Variants in ARID1B observed in about 807,000 individuals in gnomAD.
The protein encoded by ARID1B is AT-rich interaction domain 1B.
Under a neutral mutation model 212.3 loss-of-function variants are expected in ARID1B, and 30 were observed. The ratio of observed to expected loss-of-function variants is 0.14; its 90% CI spans 0.11 to 0.19. The LOEUF is 0.19. ARID1B is among the 10% of genes least tolerant of loss of function. ARID1B has a pLI of 1.00. For missense variants in ARID1B, 2,891 were observed against 3,204.0 expected, an observed-to-expected ratio of 0.90 and a Z score of 2.36; for synonymous variants, 1,402 against 1,301.7, an observed-to-expected ratio of 1.08 and a Z score of -1.66.
intron 1 of ARID1B, among the ~76,000 whole-genome samples, chr6:156,781,139 A>G (rs1355613860): frequency 2.0e-5 from 3 of 152,188 alleles, no homozygotes; most frequent in Non-Finnish European, 4.4e-5. Flanking sequence ...TAGAATTGAC[A>G]TATTTAAAAA....
intron 5 of ARID1B, among the ~76,000 whole-genome samples, chr6:157,107,454 T>A (rs534938293): frequency 1.3e-5 from 2 of 152,218 alleles, no homozygotes; most frequent in Admixed American, 6.5e-5. Flanking sequence ...AGTCTAAAAT[T>A]AATTAAAAAT....
chr6:156,933,290 G>A (rs1056320884), intron 3 of ARID1B, among the ~76,000 whole-genome samples: 1 of 152,152 alleles, frequency 6.6e-6, no homozygotes, highest in Non-Finnish European at 1.5e-5. Context: ...ACGTGTGTTG[G>A]AGGAGGAGGC....
chr6:156,913,487 G>T (rs1268414467), intron 3 of ARID1B, among the ~76,000 whole-genome samples: 2 of 151,908 alleles, frequency 1.3e-5, no homozygotes, highest in Non-Finnish European at 2.9e-5. Context: ...AAAGTTCTAG[G>T]ATTACAGGCA....
At chr6:156,853,850 C>T (rs1441261982) in intron 2 of ARID1B, among the ~76,000 whole-genome samples, 1 of 152,188 alleles carries the variant, frequency 6.6e-6, no homozygotes, top group Non-Finnish European at 1.5e-5. Flanking sequence ...GATCCTCCCA[C>T]CTCAGCCTCC....
chr6:157,124,222 G>T (rs1320913374), intron 6 of ARID1B, among the ~76,000 whole-genome samples: 1 of 152,212 alleles, frequency 6.6e-6, no homozygotes, highest in Non-Finnish European at 1.5e-5. Context: ...TAAAGTAAGA[G>T]CAAATGGGTC....
chr6:156,828,360 A>G (rs1782905354), intron 1 of ARID1B, among the ~76,000 whole-genome samples: 1 of 152,144 alleles, frequency 6.6e-6, no homozygotes, highest in African/African-American at 2.4e-5. Context: ...TCTGGCACAC[A>G]GTTGGGATCA....
intron 2 of ARID1B, among the ~76,000 whole-genome samples, chr6:156,900,104 A>C (rs1295332776): frequency 6.6e-6 from 1 of 152,228 alleles, no homozygotes; most frequent in African/African-American, 2.4e-5. Context: ...AAAGCAAAAA[A>C]TTCAACTGTG....
intron 11 of ARID1B, among the ~76,000 whole-genome samples, chr6:157,180,198 T>C (rs1047436719): frequency 6.6e-6 from 1 of 152,126 alleles, no homozygotes; most frequent in Admixed American, 6.5e-5. Flanking sequence ...GCTTCAGGTG[T>C]TCAGAAACGG....
intron 9 of ARID1B, among the ~76,000 whole-genome samples, chr6:157,172,336 G>A (rs1237207533): frequency 2.0e-5 from 3 of 152,134 alleles, no homozygotes; most frequent in African/African-American, 7.2e-5. Flanking sequence ...ATTTTTAGCT[G>A]ATCCCAATAG....
At chr6:156,873,720 G>T (rs1786324946) in intron 2 of ARID1B, among the ~76,000 whole-genome samples, 1 of 152,184 alleles carries the variant, frequency 6.6e-6, no homozygotes, top group Non-Finnish European at 1.5e-5. Flanking sequence ...CACTTACGTG[G>T]GTTTGCCTTC....
rs184433461 is a variant in ARID1B, at chr6:157,038,002, C to T, written c.2248-46660C>T. Among the ~76,000 whole-genome samples the T allele has an allele frequency of 7.2e-5, 11 of 152,280 alleles. No individual in the cohort carries two copies. In the East Asian group the frequency reaches 1.7e-3, roughly 24 times the overall value. On this transcript the variant is annotated intron_variant, in intron 4 of 19. Transcript: ENST00000636930. ...TTATAATCTTCCAGACCTGAATTGT[C>T]GATCAAATTACTTGCCTTTTGTACA...
At chr6:157,012,497 A>G (rs933104007) in intron 4 of ARID1B, among the ~76,000 whole-genome samples, 1 of 152,234 alleles carries the variant, frequency 6.6e-6, no homozygotes, top group African/African-American at 2.4e-5. Context: ...AATATATGGT[A>G]TACTGGAGGC....
chr6:156,909,321 T>C (rs1789679732), intron 3 of ARID1B, among the ~76,000 whole-genome samples: 1 of 151,990 alleles, frequency 6.6e-6, no homozygotes, highest in South Asian at 2.1e-4. Flanking sequence ...AAACGGGGTT[T>C]CACCATGTTG....
intron 4 of ARID1B, among the ~76,000 whole-genome samples, chr6:156,987,951 C>T (rs1449049690): frequency 6.6e-6 from 1 of 152,042 alleles, no homozygotes; most frequent in Admixed American, 6.5e-5. Flanking sequence ...TAATCTATAG[C>T]AGATAATAAG....
At chr6:156,929,424 A>G (rs1791515721) in intron 3 of ARID1B, among the ~76,000 whole-genome samples, 2 of 152,304 alleles carry the variant, frequency 1.3e-5, no homozygotes, top group South Asian at 4.1e-4. Context: ...GCCACCAGGC[A>G]TCCTCTCTGT....
At chr6:156,944,215 G>T (rs1016596434) in intron 4 of ARID1B, among the ~76,000 whole-genome samples, 2 of 152,186 alleles carry the variant, frequency 1.3e-5, no homozygotes, top group African/African-American at 4.8e-5. Context: ...TAAAGTGCGG[G>T]TACATTGAAA....
At chr6:157,155,349 T>C (rs775509176) in intron 8 of ARID1B, among the ~76,000 whole-genome samples, 2 of 152,250 alleles carry the variant, frequency 1.3e-5, no homozygotes, top group Middle Eastern at 3.4e-3. Flanking sequence ...GGTAGTGATA[T>C]TGACACGGAT....
chr6:156,875,005 T>C (rs1786429307), intron 2 of ARID1B, among the ~76,000 whole-genome samples: 1 of 152,180 alleles, frequency 6.6e-6, no homozygotes, highest in African/African-American at 2.4e-5. Flanking sequence ...ATCAGGTAAA[T>C]ATTTGACTTT....
At chr6:156,922,420 G>A (rs866239434) in intron 3 of ARID1B, among the ~76,000 whole-genome samples, 2 of 152,116 alleles carry the variant, frequency 1.3e-5, no homozygotes, top group Non-Finnish European at 2.9e-5. Flanking sequence ...TGATCCGCCC[G>A]CCTCGGCCTC....
Sources: allele counts gnomAD v4.1 joint callset (sites outside exome capture counted in the v4.1 genomes callset), GRCh38; gene constraint gnomAD v4.1.1; transcripts MANE v1.5; gene names NCBI Gene and HGNC (gene_info 2026-07-23, HGNC 2026-07-21).